The following DMD variants were observed in gnomAD, a reference collection of about 807,000 sequenced individuals.
The protein encoded by DMD is mutant dystrophin.
Under a neutral mutation model 330.1 loss-of-function variants are expected in DMD, and 63 were observed. The ratio of observed to expected loss-of-function variants is 0.19; its 90% CI spans 0.16 to 0.24. DMD has a LOEUF of 0.24. Among genes scored for constraint, DMD ranks in the 10% least tolerant of loss-of-function variants. The pLI is 1.00. For missense variants in DMD, 3,344 were observed against 2,684.1 expected, an observed-to-expected ratio of 1.25 and a Z score of -5.43; for synonymous variants, 1,223 against 959.8, an observed-to-expected ratio of 1.27 and a Z score of -5.07.
At chrX:32,796,345 T>A (rs931622080) in intron 7 of DMD, among the ~76,000 whole-genome samples, 8 of 111,466 alleles carry the variant, frequency 7.2e-5, no homozygotes, top group African/African-American at 2.6e-4. Context: ...GGTTATTAAG[T>A]GAGACAATCG....
At chrX:32,358,721 A>G (rs1261537173) in intron 37 of DMD, among the ~76,000 whole-genome samples, 1 of 110,424 alleles carries the variant, frequency 9.1e-6, no homozygotes, top group Admixed American at 9.7e-5. Flanking sequence ...CGATTTTCTG[A>G]CTCCAGTCGA....
At chrX:32,888,151 AT>A (rs1295243529) in intron 2 of DMD, among the ~76,000 whole-genome samples, 1 of 109,483 alleles carries the variant, frequency 9.1e-6, no homozygotes, top group Non-Finnish European at 1.9e-5. Context: ...TTTATTTTTT[AT>A]TTTTTTTAAG....
chrX:32,609,056 C>A (rs189361025), intron 12 of DMD, among the ~76,000 whole-genome samples: 1 of 110,495 alleles, frequency 9.1e-6, no homozygotes, highest in East Asian at 2.9e-4. Flanking sequence ...TCTTAATTAC[C>A]AATCTCAAGT....
intron 56 of DMD, among the ~76,000 whole-genome samples, chrX:31,503,016 A>G (rs1403101405): frequency 9.0e-6 from 1 of 111,641 alleles, no homozygotes; most frequent in African/African-American, 3.2e-5. Flanking sequence ...AACTTAAATT[A>G]TCACTGACTA....
intron 1 of DMD, among the ~76,000 whole-genome samples, chrX:33,248,477 T>C (rs2052708232): frequency 8.9e-6 from 1 of 112,537 alleles, no homozygotes; most frequent in Non-Finnish European, 1.9e-5. Flanking sequence ...GATAGGAGTA[T>C]GTTGTGTGCT....
intron 43 of DMD, among the ~76,000 whole-genome samples, chrX:32,279,874 T>A (rs1442100048): frequency 9.3e-6 from 1 of 107,078 alleles, no homozygotes; most frequent in African/African-American, 3.4e-5. Flanking sequence ...ACATCCCATT[T>A]TCCATGATAC....
At chrX:33,294,107 C>T (rs2053551965) in intron 1 of DMD, among the ~76,000 whole-genome samples, 1 of 111,483 alleles carries the variant, frequency 9.0e-6, no homozygotes, top group Admixed American at 9.6e-5. Context: ...TTCTGTCACA[C>T]AGAGCTAGAG....
intron 1 of DMD, among the ~76,000 whole-genome samples, chrX:33,146,227 G>A (rs777332587): frequency 1.8e-5 from 2 of 109,932 alleles, no homozygotes; most frequent in South Asian, 7.8e-4. Flanking sequence ...AAACATTTTC[G>A]TCAGCCCAAA....
At chrX:31,872,754 A>G (rs1364576704) in intron 48 of DMD, among the ~76,000 whole-genome samples, 1 of 111,764 alleles carries the variant, frequency 8.9e-6, no homozygotes, top group Non-Finnish European at 1.9e-5. Context: ...TGGATATAAG[A>G]TAATTGAGAA....
chrX:32,948,082 AC>A (rs775081377), intron 2 of DMD, among the ~76,000 whole-genome samples: 1 of 106,812 alleles, frequency 9.4e-6, no homozygotes, highest in South Asian at 4.3e-4. Context: ...AAACCTTGAA[AC>A]CCCACTCAAA....
chrX:33,330,844 C>T (rs1341238669), intron 1 of DMD, among the ~76,000 whole-genome samples: 1 of 111,670 alleles, frequency 9.0e-6, no homozygotes, highest in Admixed American at 9.6e-5. Context: ...TATCATTTTG[C>T]TCTTTGATGG....
At chrX:32,291,900 T>C (rs757381819) in intron 42 of DMD, among the ~76,000 whole-genome samples, 9 of 111,953 alleles carry the variant, frequency 8.0e-5, no homozygotes, top group Non-Finnish European at 1.5e-4. Context: ...GTAGTAACTG[T>C]CTTAAAGGGT....
At chrX:32,214,391 C>T (rs1343392875) in intron 44 of DMD, among the ~76,000 whole-genome samples, 1 of 111,271 alleles carries the variant, frequency 9.0e-6, no homozygotes, top group African/African-American at 3.3e-5. Flanking sequence ...GGGCAAAATA[C>T]CAGAGAGGTG....
intron 61 of DMD, among the ~76,000 whole-genome samples, chrX:31,337,165 C>T (rs972181945): frequency 2.0e-4 from 22 of 109,906 alleles, no homozygotes; most frequent in African/African-American, 6.3e-4. Context: ...CCTCGTGATC[C>T]GCCCGCCTCA....
rs775767112 is a variant in DMD, at chrX:32,827,292, T to C, written c.265-3905A>G. ...ATTGATTAAATCTGTAAAGAAAAAA[T>C]AGATTGGAATGAAGAAAAGTATCAG... On this transcript the variant is annotated intron_variant, in intron 4 of 78. Coordinates refer to ENST00000357033, the MANE Select transcript of DMD (RefSeq NM_004006.3). Among the ~76,000 whole-genome samples, 332 of 110,303 alleles carry C rather than the reference T, an allele frequency of 3.0e-3. 1 individual carries two copies. The highest frequency in any genetic ancestry group is 0.01 in the African/African-American group (306 of 30,219).
chrX:31,482,448 A>G (rs1050916918), intron 57 of DMD, among the ~76,000 whole-genome samples: 1 of 111,803 alleles, frequency 8.9e-6, no homozygotes, highest in Non-Finnish European at 1.9e-5. Context: ...CTCTTGAGAG[A>G]TAGAAAAGGA....
At chrX:32,883,614 G>A (rs2084178215) in intron 2 of DMD, among the ~76,000 whole-genome samples, 2 of 109,526 alleles carry the variant, frequency 1.8e-5, no homozygotes, top group Non-Finnish European at 3.8e-5. Flanking sequence ...CACGAGGTCA[G>A]GAGTTCGAGA....
intron 1 of DMD, among the ~76,000 whole-genome samples, chrX:33,331,019 A>G (rs1254120604): frequency 8.9e-6 from 1 of 111,946 alleles, no homozygotes; most frequent in Non-Finnish European, 1.9e-5. Context: ...TTCGTCTCTA[A>G]ATTCCTCAGG....
chrX:31,578,764 A>G lies in DMD; in HGVS notation c.8217+48909T>C, dbSNP rs184711114. 3.4e-4 allele frequency among the ~76,000 whole-genome samples: 38 copies of G among 112,456 alleles called. No individual in the cohort carries two copies. In the East Asian group the frequency reaches 8.9e-3, roughly 26 times the overall value. ...ACTCCAGGGCAGCAAAGGGAAGATA[A>G]ATAAATCTGTGCAATGCGTCACCTT... On this transcript the variant is annotated intron_variant, in intron 55 of 78. Coordinates refer to ENST00000357033, the MANE Select transcript of DMD (RefSeq NM_004006.3).
Sources: gnomAD v4.1 joint callset for allele counts (sites outside exome capture counted in the v4.1 genomes callset) on GRCh38, gnomAD v4.1.1 for gene constraint, MANE v1.5 for transcripts, NCBI Gene and HGNC (gene_info 2026-07-23, HGNC 2026-07-21) for gene names.